The following STK38L variants were observed in gnomAD, a reference collection of about 807,000 sequenced individuals.
STK38L encodes serine/threonine-protein kinase 38-like.
Under a neutral mutation model 59.7 loss-of-function variants are expected in STK38L, and 28 were observed. The observed-to-expected ratio is 0.47, with a 90% CI of 0.35 to 0.64. The LOEUF (loss-of-function observed/expected upper bound fraction) is 0.64. Among genes scored for constraint, STK38L ranks in the 30% least tolerant of loss-of-function variants. The pLI is 0.01. For missense variants in STK38L, 314 were observed against 555.8 expected, an observed-to-expected ratio of 0.56 and a Z score of 4.37; for synonymous variants, 162 against 176.8, an observed-to-expected ratio of 0.92 and a Z score of 0.66.
intron 1 of STK38L, among the ~76,000 whole-genome samples, chr12:27,272,894 T>G (rs1289663670): frequency 2.0e-5 from 3 of 152,182 alleles, no homozygotes; most frequent in Non-Finnish European, 4.4e-5. Flanking sequence ...AGGTCTCTGA[T>G]AAGTACTGAA....
At chr12:27,301,052 A>G (rs1403126164) in intron 2 of STK38L, among the ~76,000 whole-genome samples, 1 of 152,334 alleles carries the variant, frequency 6.6e-6, no homozygotes, top group African/African-American at 2.4e-5. Context: ...AACCAATACA[A>G]TAGAAATAAA....
At chr12:27,304,019 T>C (rs906028492) in intron 3 of STK38L, among the ~76,000 whole-genome samples, 6 of 152,120 alleles carry the variant, frequency 3.9e-5, no homozygotes, top group African/African-American at 1.4e-4. Flanking sequence ...CCCAGCACTT[T>C]GGGAGGCCAA....
chr12:27,274,984 A>C (rs16931815), intron 1 of STK38L, among the ~76,000 whole-genome samples: 1 of 152,034 alleles, frequency 6.6e-6, no homozygotes, highest in Non-Finnish European at 1.5e-5. Flanking sequence ...TCATTCCTCA[A>C]ACATTGCCAG....
chr12:27,297,748 A>G lies in STK38L; in HGVS notation c.28A>G (p.Thr10Ala), dbSNP rs368306630. The G allele has an allele frequency of 5.7e-5, 92 of 1,613,944 alleles. No homozygotes were observed. Among genetic ancestry groups the G allele is most frequent in the East Asian group, 3.3e-4 (15 of 44,890 alleles). Residue 10 changes from threonine (T) to alanine (A), a missense_variant, in exon 2 of 14, where the codon ACC (threonine) becomes GCC (alanine). This residue lies in a region of STK38L where 192 missense variants were observed against 316.9 expected (regional missense o/e 0.61). Transcript: ENST00000389032. Reference protein sequence around the residue: MAMTAGTTTTFPMSNHTRER... With the variant: MAMTAGTTTAFPMSNHTRER... ...GGCAATGACGGCAGGGACTACAACA[A>G]CCTTTCCTATGAGCAACCATACCCG...
chr12:27,310,182 G>C lies in STK38L; in HGVS notation c.393+985G>C, dbSNP rs570572234. Among the ~76,000 whole-genome samples the C allele has an allele frequency of 6.8e-4, 103 of 152,230 alleles. 3 individuals carry two copies. In the South Asian group the frequency reaches 0.021, roughly 31 times the overall value. Reference sequence around the variant, plus strand: ...GGTAATAGGAACCATCAGGAGACAGGGTTATAGGGGATTTTGTTGATGACA... The same window carrying C: ...GGTAATAGGAACCATCAGGAGACAGCGTTATAGGGGATTTTGTTGATGACA... On this transcript the variant is annotated intron_variant, in intron 5 of 13. Transcript: ENST00000389032.
chr12:27,286,645 A>T (rs142225276), intron 1 of STK38L, among the ~76,000 whole-genome samples: 4 of 152,314 alleles, frequency 2.6e-5, no homozygotes, highest in Admixed American at 6.5e-5. Context: ...ATTAAAAAAA[A>T]ATCTTTGTGG....
intron 1 of STK38L, among the ~76,000 whole-genome samples, chr12:27,272,731 G>A (rs1306711829): frequency 6.6e-6 from 1 of 152,080 alleles, no homozygotes; most frequent in East Asian, 1.9e-4. Flanking sequence ...TGTTTTTAAT[G>A]TTTCTTTCAA....
At chr12:27,316,462 C>A (rs1040086284) in intron 9 of STK38L, among the ~76,000 whole-genome samples, 1 of 152,046 alleles carries the variant, frequency 6.6e-6, no homozygotes, top group Non-Finnish European at 1.5e-5. Flanking sequence ...ATTCTCATGG[C>A]CAGTAGTTGC....
At chr12:27,305,142 G>C (rs1399269537) in intron 3 of STK38L, among the ~76,000 whole-genome samples, 1 of 152,180 alleles carries the variant, frequency 6.6e-6, no homozygotes. Flanking sequence ...CCAAGGCCCT[G>C]TTTTTCCAGA....
intron 1 of STK38L, among the ~76,000 whole-genome samples, chr12:27,287,647 T>A (rs1943803650): frequency 6.6e-6 from 1 of 152,182 alleles, no homozygotes; most frequent in Non-Finnish European, 1.5e-5. Context: ...TTTTAACTTT[T>A]ATTTCTTCCC....
chr12:27,302,116 AT>A lies in STK38L; in HGVS notation c.135-12del, dbSNP rs756208055. 3.7e-5 allele frequency: 59 copies of A among 1,575,188 alleles called. No homozygotes were observed. The highest frequency in any genetic ancestry group is 1.2e-4 in the South Asian group (10 of 86,792). Reference sequence around the variant, plus strand: ...TAGTTAGGAATGTATTTAAAATTTAATTTTTTTTTCCTTTGAAAAGGCAGAA... The same window carrying A: ...TAGTTAGGAATGTATTTAAAATTTAATTTTTTTTCCTTTGAAAAGGCAGAA... On this transcript the variant is annotated intron_variant, in intron 2 of 13. Coordinates refer to ENST00000389032, the MANE Select transcript of STK38L (RefSeq NM_015000.4).
chr12:27,312,538 T>C lies in STK38L; in HGVS notation c.394-11T>C, dbSNP rs184586101. 12 of 1,609,690 alleles carry C rather than the reference T, an allele frequency of 7.5e-6. No homozygotes were observed. Among genetic ancestry groups the C allele is most frequent in the East Asian group, 2.2e-5 (1 of 44,830 alleles). On this transcript the variant is annotated splice_polypyrimidine_tract_variant and intron_variant, in intron 5 of 13. Coordinates refer to ENST00000389032, the MANE Select transcript of STK38L (RefSeq NM_015000.4). ...TTTACAATTATTTTTTTCAAAAATATATTCATCTAGGTGGCCCATATCCGA... is the reference window on the plus strand; with the variant it reads ...TTTACAATTATTTTTTTCAAAAATACATTCATCTAGGTGGCCCATATCCGA...
intron 1 of STK38L, among the ~76,000 whole-genome samples, chr12:27,294,524 A>T (rs1943967013): frequency 6.8e-6 from 1 of 147,790 alleles, no homozygotes; most frequent in Non-Finnish European, 1.5e-5. Flanking sequence ...AAAAAAAAAG[A>T]TGCTGGGAAG....
intron 6 of STK38L, among the ~76,000 whole-genome samples, chr12:27,313,533 C>T (rs889249345): frequency 1.3e-5 from 2 of 152,002 alleles, no homozygotes; most frequent in African/African-American, 4.8e-5. Context: ...AGGTGCCCAC[C>T]ACCATGCCCA....
chr12:27,253,997 G>A (rs1053755051), intron 1 of STK38L, among the ~76,000 whole-genome samples: 57 of 152,294 alleles, frequency 3.7e-4, no homozygotes, highest in Non-Finnish European at 4.4e-5. Context: ...GTGATAAATT[G>A]TCTCTTGCTT....
chr12:27,312,379 T>C (rs1050434408), intron 5 of STK38L, among the ~76,000 whole-genome samples, 170 bp from the exon 6 acceptor site: 1 of 152,220 alleles, frequency 6.6e-6, no homozygotes, highest in Non-Finnish European at 1.5e-5. Context: ...ATAAACTATT[T>C]CTTGAGGTTC....
intron 1 of STK38L, among the ~76,000 whole-genome samples, chr12:27,280,866 A>G (rs1422759574): frequency 1.3e-5 from 2 of 152,256 alleles, no homozygotes; most frequent in Non-Finnish European, 2.9e-5. Context: ...CAAGAAGGGC[A>G]GTTTGAATCA....
intron 1 of STK38L, among the ~76,000 whole-genome samples, chr12:27,289,667 G>A (rs1461831742): frequency 6.6e-6 from 1 of 152,164 alleles, no homozygotes; most frequent in African/African-American, 2.4e-5. Flanking sequence ...AGAGGGCCAC[G>A]CTAAATAAAA....
intron 1 of STK38L, among the ~76,000 whole-genome samples, chr12:27,297,439 T>G (rs1944052218): frequency 6.6e-6 from 1 of 152,230 alleles, no homozygotes; most frequent in Non-Finnish European, 1.5e-5. Context: ...CCTTTGTATA[T>G]AAATGTGTCT....
Sources: allele counts gnomAD v4.1 joint callset (sites outside exome capture counted in the v4.1 genomes callset), GRCh38; gene constraint gnomAD v4.1.1; regional missense constraint gnomAD v4.1.1; transcripts MANE v1.5; gene names NCBI Gene and HGNC (gene_info 2026-07-23, HGNC 2026-07-21).